FBXL17: variants seen among roughly 807,000 people sequenced by gnomAD.
The protein encoded by FBXL17 is F-box and leucine rich repeat protein 17, also known as F-box/LRR-repeat protein 17.
FBXL17 carries 22 observed loss-of-function variants against 66.2 expected under a neutral mutation model. That is an observed-to-expected ratio of 0.33 (90% CI 0.24 to 0.47). The LOEUF is 0.47. FBXL17 is among the 20% of genes least tolerant of loss of function. The pLI is 1.00. For missense variants in FBXL17, 878 were observed against 948.2 expected (o/e 0.93, Z 0.97); for synonymous variants, 474 against 400.5 (o/e 1.18, Z -2.19).
chr5:107,873,090 A>C lies in FBXL17; in HGVS notation c.1965+7947T>G, dbSNP rs187112755. On this transcript the variant is annotated intron_variant, in intron 8 of 8. Coordinates refer to ENST00000542267, the MANE Select transcript of FBXL17 (RefSeq NM_001163315.3). ...GAAATAGATCATAACAGGTGGCAAG[A>C]AAGTAAGGAAAACTGTTCCTGGACA... Among the ~76,000 whole-genome samples the C allele has an allele frequency of 2.2e-4, 34 of 152,372 alleles. No homozygotes were observed. In the East Asian group the frequency reaches 6.2e-3, roughly 28 times the overall value.
chr5:107,918,878 T>C (rs974936899), intron 7 of FBXL17, among the ~76,000 whole-genome samples: 2 of 152,208 alleles, frequency 1.3e-5, no homozygotes. Flanking sequence ...CTGGATTTTG[T>C]AGATCCAGGG....
chr5:108,078,281 A>G (rs1056997567), intron 6 of FBXL17, among the ~76,000 whole-genome samples: 1 of 152,184 alleles, frequency 6.6e-6, no homozygotes, highest in Non-Finnish European at 1.5e-5. Context: ...TTTTTTGCTT[A>G]TCTCAAGTTG....
chr5:107,884,658 T>C (rs566281001), intron 7 of FBXL17, among the ~76,000 whole-genome samples: 19 of 152,368 alleles, frequency 1.2e-4, no homozygotes, highest in African/African-American at 4.3e-4. Flanking sequence ...ATAAAACCTG[T>C]AATGTGGTCT....
At chr5:107,952,972 T>C (rs1751544917) in intron 7 of FBXL17, among the ~76,000 whole-genome samples, 1 of 152,144 alleles carries the variant, frequency 6.6e-6, no homozygotes, top group Admixed American at 6.5e-5. Context: ...CCACCAAATA[T>C]TCCTCCCCTC....
rs78682414 is a variant in FBXL17 at position 107,915,595 on chromosome 5, A to G, written c.1823-34416T>C. Among the ~76,000 whole-genome samples the G allele has an allele frequency of 4.2e-3, 642 of 152,334 alleles. 5 individuals carry two copies. Among genetic ancestry groups the G allele is most frequent in the African/African-American group, 0.015 (620 of 41,588 alleles). Reference sequence around the variant, plus strand: ...CTTAGCTTCTAAGAAATTTACAGTGAGCCACAATGTTCTTGCGTAATCTAG... The same window carrying G: ...CTTAGCTTCTAAGAAATTTACAGTGGGCCACAATGTTCTTGCGTAATCTAG... On this transcript the variant is annotated intron_variant, in intron 7 of 8. Coordinates refer to ENST00000542267, the MANE Select transcript of FBXL17 (RefSeq NM_001163315.3).
At chr5:108,374,191 T>A (rs960469728) in intron 1 of FBXL17, among the ~76,000 whole-genome samples, 2 of 152,134 alleles carry the variant, frequency 1.3e-5, no homozygotes, top group African/African-American at 2.4e-5. Flanking sequence ...GAACAAGACT[T>A]AAACATGGCC....
At chr5:108,041,593 T>A (rs1747048919) in intron 6 of FBXL17, among the ~76,000 whole-genome samples, 2 of 152,002 alleles carry the variant, frequency 1.3e-5, no homozygotes, top group South Asian at 4.2e-4. Flanking sequence ...ATTTTTTTAA[T>A]TTTTAGTGGA....
chr5:108,287,623 T>C (rs766830003), intron 4 of FBXL17, among the ~76,000 whole-genome samples: 1 of 151,960 alleles, frequency 6.6e-6, no homozygotes, highest in Admixed American at 6.6e-5. Context: ...CAACAGGTGT[T>C]GGTGAGGCTG....
At chr5:107,989,046 C>T (rs778954157) in intron 7 of FBXL17, among the ~76,000 whole-genome samples, 11 of 151,746 alleles carry the variant, frequency 7.2e-5, no homozygotes, top group Admixed American at 2.0e-4. Context: ...GGGGTACAGG[C>T]GACATTTTGA....
intron 6 of FBXL17, among the ~76,000 whole-genome samples, chr5:108,066,174 T>A (rs1196457490): frequency 6.6e-6 from 1 of 152,124 alleles, no homozygotes; most frequent in Non-Finnish European, 1.5e-5. Flanking sequence ...AGAGACATCA[T>A]GACATTGATT....
intron 4 of FBXL17, among the ~76,000 whole-genome samples, chr5:108,289,488 C>T (rs1183580508): frequency 6.6e-6 from 1 of 152,056 alleles, no homozygotes; most frequent in Non-Finnish European, 1.5e-5. Flanking sequence ...GCCCTGATCT[C>T]CTCCTCTACT....
At chr5:108,077,521 G>T (rs181259677) in intron 6 of FBXL17, among the ~76,000 whole-genome samples, 3 of 152,122 alleles carry the variant, frequency 2.0e-5, no homozygotes, top group Admixed American at 6.5e-5. Flanking sequence ...AAATTAACCA[G>T]ATGTGGTAGC....
intron 6 of FBXL17, among the ~76,000 whole-genome samples, chr5:108,101,822 T>TA (rs1238965720): frequency 6.6e-6 from 1 of 152,198 alleles, no homozygotes; most frequent in Non-Finnish European, 1.5e-5. Context: ...TCAAAGCTAC[T>TA]AAAAATACAG....
At position 107,925,759 on chromosome 5, in the gene FBXL17, C is replaced by G. The variant is rs563436793; in HGVS notation, c.1823-44580G>C. 1.9e-3 allele frequency among the ~76,000 whole-genome samples: 294 copies of G among 152,246 alleles called. 1 individual carries two copies. The highest frequency in any genetic ancestry group is 5.6e-3 in the Admixed American group (85 of 15,284). On this transcript the variant is annotated intron_variant, in intron 7 of 8. Transcript: ENST00000542267. ...TATTTTTCTGACTCTTCCTTCATCC[C>G]CATTCCCCTACCAGTATGTCCTGAG...
chr5:108,217,567 T>C (rs535624300), intron 5 of FBXL17, among the ~76,000 whole-genome samples: 96 of 152,274 alleles, frequency 6.3e-4, no homozygotes, highest in African/African-American at 2.2e-3. Context: ...AATATTATAT[T>C]ATTTGTGGTC....
chr5:108,048,893 TA>T (rs1747362973), intron 6 of FBXL17, among the ~76,000 whole-genome samples: 1 of 152,148 alleles, frequency 6.6e-6, no homozygotes, highest in African/African-American at 2.4e-5. Context: ...TTCAGTACAT[TA>T]TCCAGGAGAA....
intron 4 of FBXL17, among the ~76,000 whole-genome samples, chr5:108,344,430 T>A (rs1747112521): frequency 6.6e-6 from 1 of 152,220 alleles, no homozygotes; most frequent in African/African-American, 2.4e-5. Context: ...TTCATAGTAT[T>A]ACTATTTTCT....
At chr5:108,352,102 T>C (rs753211874) in intron 3 of FBXL17, among the ~76,000 whole-genome samples, 6 of 152,224 alleles carry the variant, frequency 3.9e-5, no homozygotes, top group Non-Finnish European at 8.8e-5. Context: ...AAGTCAGATG[T>C]GGGGAACAGT....
chr5:108,037,393 T>C (rs7735773), intron 6 of FBXL17, among the ~76,000 whole-genome samples: 21,130 of 152,146 alleles, frequency 0.14, 1,593 homozygotes, highest in East Asian at 0.17. Context: ...GTAAATACCA[T>C]AGTAAGACAA....
Sources: allele counts gnomAD v4.1 joint callset (sites outside exome capture counted in the v4.1 genomes callset), GRCh38; gene constraint gnomAD v4.1.1; transcripts MANE v1.5; gene names NCBI Gene and HGNC (gene_info 2026-07-23, HGNC 2026-07-21).